AKR1E2: variants seen among roughly 807,000 people sequenced by gnomAD.
The protein encoded by AKR1E2 is aldo-keto reductase family 1 member E2.
Under a neutral mutation model 41.9 loss-of-function variants are expected in AKR1E2, and 43 were observed. The ratio of observed to expected loss-of-function variants is 1.03; its 90% CI spans 0.80 to 1.32. The LOEUF is 1.32. Ranked by LOEUF, AKR1E2 falls within the 40% of genes most tolerant of loss-of-function variation. The pLI, the probability that AKR1E2 is intolerant of heterozygous loss-of-function variation, is 0.00. For missense variants in AKR1E2, 423 were observed against 396.5 expected, an observed-to-expected ratio of 1.07 and a Z score of -0.57; for synonymous variants, 121 against 138.9, an observed-to-expected ratio of 0.87 and a Z score of 0.91.
At position 4,838,046 on chromosome 10, in the gene AKR1E2, C is replaced by G. The variant is rs150869013; in HGVS notation, c.582+465C>G. ...AGAGAAAAGACTTGTGGGGAAATAA[C>G]TATTGTATTTTCTAGACTAGCTTTG... On this transcript the variant is annotated intron_variant, in intron 5 of 9. Transcript: ENST00000298375. Among the ~76,000 whole-genome samples the G allele has an allele frequency of 3.4e-3, 517 of 152,312 alleles. 2 individuals are homozygous for G. Among genetic ancestry groups the G allele is most frequent in the African/African-American group, 0.012 (494 of 41,576 alleles).
rs979878373 is a variant in AKR1E2, at chr10:4,839,975, C to G, written c.680+149C>G. The G allele has an allele frequency of 6.8e-5, 50 of 737,782 alleles. No homozygotes were observed. The East Asian group carries it at 1.3e-3, about 19-fold the overall frequency. The allele number at this position is 737,782 out of a possible 1,614,324, so 45.7% of individuals were successfully genotyped here. ...ACTATAGGGGGCTGTCCACACCTCT[C>G]AAGCCTGGGATTGAAGGCATGGTTT... On this transcript the variant is annotated intron_variant, in intron 6 of 9. Coordinates refer to ENST00000298375, the MANE Select transcript of AKR1E2 (RefSeq NM_001040177.3).
intron 4 of AKR1E2, 82 bp downstream of exon 4, chr10:4,835,891 T>G: frequency 1.3e-6 from 2 of 1,541,786 alleles, no homozygotes. Flanking sequence ...CTGCTTGTGT[T>G]CAAAGACATC....
chr10:4,841,542 A>G (rs756047367), intron 6 of AKR1E2, among the ~76,000 whole-genome samples: 9 of 152,156 alleles, frequency 5.9e-5, no homozygotes, highest in Non-Finnish European at 1.2e-4. Flanking sequence ...TTTTGAGGAG[A>G]AACACCAAAT....
the AKR1E2 span, among the ~76,000 whole-genome samples, chr10:4,855,965 A>T: frequency 6.6e-6 from 1 of 152,156 alleles, no homozygotes; most frequent in Non-Finnish European, 1.5e-5. Flanking sequence ...TGTGCAGGAA[A>T]CAGTCAGCCC....
intron 8 of AKR1E2, among the ~76,000 whole-genome samples, chr10:4,844,817 C>T (rs534469902): frequency 6.6e-6 from 1 of 152,358 alleles, no homozygotes; most frequent in South Asian, 2.1e-4. Context: ...TAAAGGTTTT[C>T]CAAGTCCCCA....
At chr10:4,865,095 G>A in the AKR1E2 span, among the ~76,000 whole-genome samples, 2 of 152,034 alleles carry the variant, frequency 1.3e-5, no homozygotes, top group Non-Finnish European at 2.9e-5. Context: ...GTGTAAAAAG[G>A]GTGAATAAAG....
chr10:4,840,758 T>G (rs1042992964), intron 6 of AKR1E2, among the ~76,000 whole-genome samples: 1 of 152,182 alleles, frequency 6.6e-6, no homozygotes, highest in African/African-American at 2.4e-5. Flanking sequence ...AACTCCAGTT[T>G]CTAATTTAAG....
In AKR1E2 at chr10:4,847,622, G is replaced by A; in HGVS notation, c.*92G>A. 1 of 1,460,720 alleles carries A rather than the reference G, an allele frequency of 6.8e-7. No individual in the cohort carries two copies. Among genetic ancestry groups the A allele is most frequent in the East Asian group, 2.3e-5 (1 of 44,162 alleles). 90.5% of individuals were successfully genotyped at this position (1,460,720 alleles called of 1,614,324 possible). A position where few individuals can be genotyped will look rare whatever the true frequency, so the allele number is the denominator to read the frequency against. On this transcript the variant is annotated 3_prime_UTR_variant, in exon 10 of 10. Coordinates refer to ENST00000298375, the MANE Select transcript of AKR1E2 (RefSeq NM_001040177.3). ...CCTCTGTCATCACAGCGCCAGGGCA[G>A]CTGTGCCTGGGACAGGAGCCACACA...
At chr10:4,844,901 G>C (rs1020112767) in intron 8 of AKR1E2, among the ~76,000 whole-genome samples, 2 of 152,224 alleles carry the variant, frequency 1.3e-5, no homozygotes, top group African/African-American at 4.8e-5. Flanking sequence ...TGCCAGTCCC[G>C]GGCGGTGTGC....
chr10:4,860,335 A>G, the AKR1E2 span, among the ~76,000 whole-genome samples: 10 of 152,210 alleles, frequency 6.6e-5, no homozygotes, highest in African/African-American at 9.6e-5. Context: ...TGCCATTGCA[A>G]TCTTCTGACA....
intron 8 of AKR1E2, among the ~76,000 whole-genome samples, chr10:4,844,360 G>A (rs1416806959): frequency 6.6e-6 from 1 of 152,222 alleles, no homozygotes. Context: ...AGCTCATAAA[G>A]GCAGTGTGGA....
intron 8 of AKR1E2, among the ~76,000 whole-genome samples, chr10:4,846,634 C>T (rs932616666): frequency 6.6e-6 from 1 of 151,862 alleles, no homozygotes; most frequent in African/African-American, 2.4e-5. Flanking sequence ...CAACCTCCAC[C>T]TCCTGGGTTC....
At chr10:4,842,280 T>C in intron 7 of AKR1E2, 141 bp from the exon 8 acceptor site, 1 of 682,002 alleles carries the variant, frequency 1.5e-6, no homozygotes, top group Admixed American at 2.4e-5. Flanking sequence ...TTGACAGAGC[T>C]GCTCAGTGAA....
the AKR1E2 span, among the ~76,000 whole-genome samples, chr10:4,857,667 C>T: frequency 1.3e-5 from 2 of 152,048 alleles, no homozygotes; most frequent in African/African-American, 4.8e-5. Context: ...GCTATATGCC[C>T]ACAGAAATTA....
At chr10:4,841,889 G>A (rs760455286) in intron 7 of AKR1E2, 32 bp downstream of exon 7, 4 of 1,601,962 alleles carry the variant, frequency 2.5e-6, no homozygotes, top group African/African-American at 1.3e-5. Context: ...GAGCCAGGTG[G>A]GGTTCTCTGA....
At position 4,841,768 on chromosome 10, in the gene AKR1E2, G is replaced by A. The variant is rs1232393952; in HGVS notation, c.681-17G>A. ...GTTGGATCTCCTGGCTCACTCCCCTGTACTGTGTCTCTCTAGTGAGGGGGT... is the reference window on the plus strand; with the variant it reads ...GTTGGATCTCCTGGCTCACTCCCCTATACTGTGTCTCTCTAGTGAGGGGGT... On this transcript the variant is annotated splice_polypyrimidine_tract_variant and intron_variant, in intron 6 of 9. Coordinates refer to ENST00000298375, the MANE Select transcript of AKR1E2 (RefSeq NM_001040177.3). 1 of 1,604,242 alleles carries A rather than the reference G, an allele frequency of 6.2e-7. No individual in the cohort carries two copies. Among genetic ancestry groups the A allele is most frequent in the South Asian group, 1.1e-5 (1 of 89,428 alleles).
rs745796889 is a variant in AKR1E2, at chr10:4,830,794, G to C, written c.159G>C (p.Lys53Asn). The C allele has an allele frequency of 1.2e-6, 2 of 1,614,154 alleles. No individual in the cohort carries two copies. The highest frequency in any genetic ancestry group is 1.7e-5 in the Admixed American group (1 of 60,018). Residue 53 changes from lysine to asparagine, a missense_variant, in exon 2 of 10, where the codon AAG (lysine) becomes AAC (asparagine). Transcript: ENST00000298375. ...AGGTTGGAGCAGGGATCCGTTGCAA[G>C]ATCAAGGAAGGCGCTGTAAGACGGG... ...EREVGAGIRC[K>N]IKEGAVRRED...
chr10:4,846,922 T>C (rs1418039525), intron 8 of AKR1E2, among the ~76,000 whole-genome samples: 1 of 152,182 alleles, frequency 6.6e-6, no homozygotes, highest in African/African-American at 2.4e-5. Context: ...TGTCCAAGGC[T>C]TCCTAAATGT....
At chr10:4,836,643 A>G (rs1438955270) in intron 4 of AKR1E2, among the ~76,000 whole-genome samples, 1 of 152,218 alleles carries the variant, frequency 6.6e-6, no homozygotes, top group Non-Finnish European at 1.5e-5. Flanking sequence ...GGCTCCCCCC[A>G]TCAATAGAAG....
Sources: allele counts gnomAD v4.1 joint callset (sites outside exome capture counted in the v4.1 genomes callset), GRCh38; gene constraint gnomAD v4.1.1; transcripts MANE v1.5; gene names NCBI Gene and HGNC (gene_info 2026-07-23, HGNC 2026-07-21).